The following GRID1 variants were observed in gnomAD, a reference collection of about 807,000 sequenced individuals.
The protein encoded by GRID1 is glutamate receptor ionotropic, delta-1.
In GRID1, 28 loss-of-function variants were observed where a neutral mutation model predicts 98.0. The ratio of observed to expected loss-of-function variants is 0.29; its 90% CI spans 0.21 to 0.39. The LOEUF is 0.39. Among genes scored for constraint, GRID1 ranks in the 10% least tolerant of loss-of-function variants. The pLI is 1.00. For missense variants in GRID1, 1,111 were observed against 1,340.5 expected (o/e 0.83, Z 2.67); for synonymous variants, 553 against 538.5 (o/e 1.03, Z -0.37).
rs1843252072 is a variant in GRID1, at chr10:86,035,780, T to C, written c.726+103039A>G. 2.6e-5 allele frequency among the ~76,000 whole-genome samples: 4 copies of C among 152,282 alleles called. No homozygotes were observed. In the East Asian group the frequency reaches 7.7e-4, roughly 29 times the overall value. On this transcript the variant is annotated intron_variant, in intron 4 of 15. Coordinates refer to ENST00000327946, the MANE Select transcript of GRID1 (RefSeq NM_017551.3). ...AATATGTTTATAATATAACATAATATGGAACATAAATCTATAAATAATAAT... is the reference window on the plus strand; with the variant it reads ...AATATGTTTATAATATAACATAATACGGAACATAAATCTATAAATAATAAT...
intron 4 of GRID1, among the ~76,000 whole-genome samples, chr10:86,005,754 G>T (rs911918854): frequency 6.6e-6 from 1 of 152,154 alleles, no homozygotes; most frequent in Admixed American, 6.5e-5. Flanking sequence ...TGTTTTGGGG[G>T]ATAGCTCACA....
At chr10:86,111,019 A>C (rs1282628250) in intron 4 of GRID1, among the ~76,000 whole-genome samples, 27 of 152,188 alleles carry the variant, frequency 1.8e-4, no homozygotes. Context: ...AACAAGCATC[A>C]TCTATTCACA....
At chr10:85,789,052 T>C (rs1030079548) in intron 8 of GRID1, among the ~76,000 whole-genome samples, 1 of 152,232 alleles carries the variant, frequency 6.6e-6, no homozygotes, top group Non-Finnish European at 1.5e-5. Flanking sequence ...CCATTGTACA[T>C]TAAGTGTTTC....
chr10:85,648,838 C>T (rs960828436), intron 12 of GRID1, among the ~76,000 whole-genome samples: 2 of 152,218 alleles, frequency 1.3e-5, no homozygotes, highest in African/African-American at 4.8e-5. Context: ...GCTTCTATGG[C>T]AGCATGAGCT....
intron 3 of GRID1, among the ~76,000 whole-genome samples, chr10:86,176,425 G>A (rs1407829088): frequency 6.6e-6 from 1 of 152,242 alleles, no homozygotes; most frequent in East Asian, 1.9e-4. Context: ...TTTCCAGGCA[G>A]GAAGATCAGC....
chr10:86,288,382 T>TA (rs1413832746), intron 2 of GRID1, among the ~76,000 whole-genome samples: 2 of 152,220 alleles, frequency 1.3e-5, no homozygotes, highest in African/African-American at 2.4e-5. Context: ...TGTGATCAGT[T>TA]ACAGTTTTGA....
chr10:86,083,331 T>G (rs1250668491), intron 4 of GRID1, among the ~76,000 whole-genome samples: 1 of 152,158 alleles, frequency 6.6e-6, no homozygotes, highest in Admixed American at 6.5e-5. Context: ...GGGAGCTCCA[T>G]GCCATCGTTT....
At chr10:86,009,598 C>A (rs1842902538) in intron 4 of GRID1, among the ~76,000 whole-genome samples, 1 of 152,168 alleles carries the variant, frequency 6.6e-6, no homozygotes, top group South Asian at 2.1e-4. Context: ...GAGGTAAAGT[C>A]ATTGCCAAGA....
At chr10:85,871,818 T>A (rs1843281133) in intron 5 of GRID1, among the ~76,000 whole-genome samples, 1 of 152,344 alleles carries the variant, frequency 6.6e-6, no homozygotes, top group East Asian at 1.9e-4. Context: ...AAGGATTGTA[T>A]CCTTTTAGGA....
intron 4 of GRID1, among the ~76,000 whole-genome samples, chr10:86,107,803 A>G (rs1459517618): frequency 1.3e-5 from 2 of 152,246 alleles, no homozygotes; most frequent in African/African-American, 2.4e-5. Context: ...CCAGCAGAAC[A>G]ACGCAGAATT....
At chr10:85,651,653 C>T (rs1843272944) in intron 12 of GRID1, among the ~76,000 whole-genome samples, 2 of 152,182 alleles carry the variant, frequency 1.3e-5, no homozygotes, top group South Asian at 2.1e-4. Flanking sequence ...GTCATAGTAA[C>T]AGCCTAGCAG....
chr10:86,345,555 G>C (rs532756787), intron 2 of GRID1, among the ~76,000 whole-genome samples: 1 of 152,200 alleles, frequency 6.6e-6, no homozygotes, highest in Non-Finnish European at 1.5e-5. Context: ...AATGGTACGC[G>C]CTGCACCTGG....
intron 5 of GRID1, among the ~76,000 whole-genome samples, chr10:85,897,072 A>T (rs1350629621): frequency 1.3e-5 from 2 of 152,224 alleles, no homozygotes; most frequent in Admixed American, 6.5e-5. Flanking sequence ...CATAACAGTA[A>T]AATCTCAATG....
intron 4 of GRID1, among the ~76,000 whole-genome samples, chr10:85,927,944 C>T (rs1395806455): frequency 1.3e-5 from 2 of 152,074 alleles, no homozygotes; most frequent in African/African-American, 4.8e-5. Context: ...GGGGCATTGG[C>T]CCAGGAAGAA....
chr10:85,837,246 G>C (rs958243492), intron 8 of GRID1, among the ~76,000 whole-genome samples: 2 of 152,160 alleles, frequency 1.3e-5, no homozygotes, highest in Admixed American at 6.5e-5. Flanking sequence ...CACAGAGAAA[G>C]CACCCAGACC....
chr10:85,703,723 G>A (rs899712441), intron 12 of GRID1, among the ~76,000 whole-genome samples: 6 of 151,972 alleles, frequency 3.9e-5, no homozygotes, highest in East Asian at 1.9e-4. Flanking sequence ...GTAACAGAAT[G>A]CTAAACACCA....
At chr10:85,788,461 C>G (rs1336605567) in intron 8 of GRID1, among the ~76,000 whole-genome samples, 1 of 152,162 alleles carries the variant, frequency 6.6e-6, no homozygotes, top group Non-Finnish European at 1.5e-5. Context: ...TCTGTCTGCC[C>G]ACGGTCTTAT....
chr10:85,984,131 A>T (rs61855987), intron 4 of GRID1, among the ~76,000 whole-genome samples: 17,084 of 151,614 alleles, frequency 0.11, 1,153 homozygotes, highest in East Asian at 0.27. Context: ...TCCCTGCACC[A>T]CAGAGAGAGG....
At chr10:85,651,288 A>T (rs7899250) in intron 12 of GRID1, among the ~76,000 whole-genome samples, 1 of 152,030 alleles carries the variant, frequency 6.6e-6, no homozygotes, top group South Asian at 2.1e-4. Context: ...AATGGTTGGA[A>T]CACTGTGCTC....
Sources: allele counts gnomAD v4.1 joint callset (sites outside exome capture counted in the v4.1 genomes callset), GRCh38; gene constraint gnomAD v4.1.1; transcripts MANE v1.5; gene names NCBI Gene and HGNC (gene_info 2026-07-23, HGNC 2026-07-21).